Variants in XDH observed in about 807,000 individuals in gnomAD.
The protein encoded by XDH is xanthine dehydrogenase, also known as xanthine dehydrogenase/oxidase.
XDH carries 138 observed loss-of-function variants against 156.1 expected under a neutral mutation model. That is an observed-to-expected ratio of 0.88 (90% CI 0.77 to 1.02). XDH has a LOEUF of 1.02. XDH is among the 50% of genes least tolerant of loss of function. XDH has a pLI of 0.00. For synonymous variants in XDH, 669 were observed against 625.7 expected (o/e 1.07, Z -1.03); for missense variants, 1,849 against 1,684.9 (o/e 1.10, Z -1.71).
chr2:31,375,471 A>C lies in XDH; in HGVS notation c.1511T>G (p.Met504Arg). 6.2e-7 allele frequency: 1 copy of C among 1,614,190 alleles called. No homozygotes were observed. The highest frequency in any genetic ancestry group is 8.5e-7 in the Non-Finnish European group (1 of 1,180,028). The change falls in exon 15 of 36, where the codon ATG becomes AGG. Residue 504 changes from methionine (M) to arginine (R), a missense_variant. Coordinates refer to ENST00000379416, the MANE Select transcript of XDH (RefSeq NM_000379.4). The stretch of plus-strand genomic sequence containing the variant: ...GGTGAGGGTGCACCGGAAGTCCACC[A>C]TGCCACCAGGGGCATCGGGAGGCAG... Reference protein sequence around the residue: ...LHLPPDAPGGMVDFRCTLTLS... With the variant: ...LHLPPDAPGGRVDFRCTLTLS...
intron 24 of XDH, among the ~76,000 whole-genome samples, chr2:31,361,775 A>C (rs189785303): frequency 6.6e-6 from 1 of 152,192 alleles, no homozygotes; most frequent in African/African-American, 2.4e-5. Context: ...CAGATCCTCA[A>C]TATGTTTTGA....
At chr2:31,391,094 A>G (rs974987650) in intron 6 of XDH, among the ~76,000 whole-genome samples, 14 of 152,010 alleles carry the variant, frequency 9.2e-5, no homozygotes, top group African/African-American at 2.9e-4. Flanking sequence ...ATCTTCTAGG[A>G]GTTTTATTGC....
At chr2:31,343,815 C>T (rs1685208429) in intron 31 of XDH, among the ~76,000 whole-genome samples, 1 of 105,670 alleles carries the variant, frequency 9.5e-6, no homozygotes, top group African/African-American at 2.9e-5. Context: ...ATATATATGC[C>T]TAACATATAT....
intron 9 of XDH, among the ~76,000 whole-genome samples, chr2:31,384,808 C>A (rs945555646): frequency 2.0e-5 from 3 of 152,160 alleles, no homozygotes; most frequent in Non-Finnish European, 4.4e-5. Context: ...TTTTGAATAT[C>A]AGCTTCCAGG....
intron 16 of XDH, 149 bp downstream of exon 16, chr2:31,373,724 T>C: frequency 2.6e-6 from 2 of 766,134 alleles, no homozygotes; most frequent in Non-Finnish European, 4.4e-6. Flanking sequence ...ACGATTCCCA[T>C]TTTCTTCACT....
chr2:31,387,949 C>T (rs1157430694), intron 7 of XDH, 52 bp from the exon 8 acceptor site: 10 of 1,525,540 alleles, frequency 6.6e-6, no homozygotes, highest in Non-Finnish European at 8.9e-6. Flanking sequence ...CTTTCAAACA[C>T]CCAAGAGGAC....
chr2:31,381,951 T>C (rs948723920), intron 11 of XDH, among the ~76,000 whole-genome samples: 3 of 152,206 alleles, frequency 2.0e-5, no homozygotes, highest in Non-Finnish European at 4.4e-5. Flanking sequence ...TCTAAAATTT[T>C]AGCAGGCAAG....
intron 1 of XDH, among the ~76,000 whole-genome samples, chr2:31,410,669 T>A (rs1335138992): frequency 6.6e-6 from 1 of 152,184 alleles, no homozygotes; most frequent in Non-Finnish European, 1.5e-5. Context: ...TCTGTGGTAT[T>A]CCTGCCCCCC....
chr2:31,368,546 T>C lies in XDH; in HGVS notation c.2095A>G (p.Ile699Val). 2.5e-6 allele frequency: 4 copies of C among 1,614,180 alleles called. No homozygotes were observed. The highest frequency in any genetic ancestry group is 3.4e-6 in the Non-Finnish European group (4 of 1,180,006). The change falls in exon 19 of 36, where the codon ATT (isoleucine) becomes GTT (valine). Residue 699 changes from isoleucine to valine, a missense_variant. Coordinates refer to ENST00000379416, the MANE Select transcript of XDH (RefSeq NM_000379.4). The part of the protein sequence containing the change: ...TYEELPAIIT[I>V]EDAIKNNSFY... ...GGCAGCCCATTCTCAGTTACCTCAA[T>C]TGTGATAATGGCTGGTAGTTCTTCA...
At chr2:31,402,951 G>A (rs184453091) in intron 3 of XDH, 97 bp downstream of exon 3, 281 of 1,318,116 alleles carry the variant, frequency 2.1e-4, no homozygotes, top group Non-Finnish European at 2.6e-4. Flanking sequence ...TCACACATGC[G>A]CACATGCACA....
At chr2:31,346,973 G>T in intron 29 of XDH, 130 bp from the exon 30 acceptor site, 1 of 1,170,318 alleles carries the variant, frequency 8.5e-7, no homozygotes, top group Non-Finnish European at 1.3e-6. Context: ...AAACAGCCTG[G>T]CCACCCACTC....
chr2:31,397,432 C>T lies in XDH; in HGVS notation c.495+236G>A, dbSNP rs112666152. 0.011 allele frequency among the ~76,000 whole-genome samples: 1,652 copies of T among 152,316 alleles called. 36 individuals are homozygous for T. The highest frequency in any genetic ancestry group is 0.038 in the African/African-American group (1,568 of 41,566). On this transcript the variant is annotated intron_variant, in intron 6 of 35. Transcript: ENST00000379416. Reference sequence around the variant, plus strand: ...AGGCGGTGAGCCTCTTCCAGGAAGCCGGTCTCCAGACCATCACTGGCAGAA... The same window carrying T: ...AGGCGGTGAGCCTCTTCCAGGAAGCTGGTCTCCAGACCATCACTGGCAGAA...
chr2:31,368,903 C>G (rs937347102), intron 18 of XDH, among the ~76,000 whole-genome samples: 1 of 152,118 alleles, frequency 6.6e-6, no homozygotes, highest in African/African-American at 2.4e-5. Context: ...TATTGAGAAG[C>G]TGAACCAGAT....
At chr2:31,351,528 G>A (rs928511635) in intron 24 of XDH, among the ~76,000 whole-genome samples, 2 of 151,952 alleles carry the variant, frequency 1.3e-5, no homozygotes, top group African/African-American at 4.8e-5. Flanking sequence ...AAATCCCCCA[G>A]TGGGATCCAA....
At position 31,348,124 on chromosome 2, in the gene XDH, G is replaced by C. The variant is rs182851355; in HGVS notation, c.3147+144C>G. ...GAAACTGAGTTCAAGTGGGGGAAAA[G>C]ACTTGCCCGAGGCTACACGGACATA... is the stretch of plus-strand genomic sequence containing the variant. On this transcript the variant is annotated intron_variant, in intron 28 of 35. Transcript: ENST00000379416. 4.7e-4 allele frequency: 394 copies of C among 843,020 alleles called. 4 individuals are homozygous for C. The East Asian group carries it at 7.4e-3, about 16-fold the overall frequency. The allele number at this position is 843,020 out of a possible 1,614,324, so 52.2% of individuals were successfully genotyped here.
chr2:31,395,137 A>G (rs956547946), intron 6 of XDH, among the ~76,000 whole-genome samples: 1 of 151,592 alleles, frequency 6.6e-6, no homozygotes, highest in South Asian at 2.1e-4. Context: ...AAAAGACCTC[A>G]TATAAATAGG....
Position 31,348,332 on chromosome 2 carries a change from C to T in XDH, c.3083G>A (p.Gly1028Asp). The change falls in exon 28 of 36, where the codon GGC (glycine) becomes GAC (aspartate). Residue 1028 changes from glycine to aspartate, a missense_variant. Physicochemically the swap from Gly to Asp is moderately conservative, Grantham distance 94 (BLOSUM62 -1). Coordinates refer to ENST00000379416, the MANE Select transcript of XDH (RefSeq NM_000379.4). ...AGALLHVYTD[G>D]SVLLTHGGTE... Reference sequence around the variant, plus strand: ...CCCCCCGTGGGTCAGCAGCACAGAGCCATCTGTGTACACATGAAGTAGGGC... The same window carrying T: ...CCCCCCGTGGGTCAGCAGCACAGAGTCATCTGTGTACACATGAAGTAGGGC... 1.2e-6 allele frequency: 2 copies of T among 1,614,172 alleles called. No individual in the cohort carries two copies. The highest frequency in any genetic ancestry group is 1.1e-5 in the South Asian group (1 of 91,082).
intron 26 of XDH, among the ~76,000 whole-genome samples, 187 bp from the exon 27 acceptor site, chr2:31,349,167 G>A (rs575618490): frequency 6.6e-6 from 1 of 152,280 alleles, no homozygotes; most frequent in African/African-American, 2.4e-5. Context: ...ACCCGTACTG[G>A]GTCAGAGTGC....
At chr2:31,369,426 C>T (rs901802448) in intron 18 of XDH, among the ~76,000 whole-genome samples, 4 of 152,068 alleles carry the variant, frequency 2.6e-5, no homozygotes, top group African/African-American at 9.7e-5. Context: ...ATCCAACATC[C>T]CCGAAAAAGT....
Sources: allele counts gnomAD v4.1 joint callset (sites outside exome capture counted in the v4.1 genomes callset), GRCh38; gene constraint gnomAD v4.1.1; transcripts MANE v1.5; gene names NCBI Gene and HGNC (gene_info 2026-07-23, HGNC 2026-07-21).